The following OR4D1 variants were observed in gnomAD, a reference collection of about 807,000 sequenced individuals.
The protein encoded by OR4D1 is olfactory receptor family 4 subfamily D member 1.
A neutral mutation model predicts 14.2 loss-of-function variants in OR4D1; 10 were observed. That is an observed-to-expected ratio of 0.71 (90% CI 0.44 to 1.20). The LOEUF (loss-of-function observed/expected upper bound fraction) is 1.20. OR4D1 is among the 50% of genes most tolerant of loss of function. The probability of loss-of-function intolerance (pLI) is 0.00; values close to 1 mark genes in which losing one functional copy is unlikely to be tolerated. For synonymous variants in OR4D1, 141 were observed against 147.4 expected, an observed-to-expected ratio of 0.96 and a Z score of 0.32; for missense variants, 345 against 376.6, an observed-to-expected ratio of 0.92 and a Z score of 0.70.
chr17:58,155,917 T>C lies in OR4D1; in HGVS notation c.764T>C (p.Ile255Thr). 6.2e-7 allele frequency: 1 copy of C among 1,614,014 alleles called. No homozygotes were observed. Among genetic ancestry groups the C allele is most frequent in the Non-Finnish European group, 8.5e-7 (1 of 1,180,006 alleles). Residue 255 changes from isoleucine to threonine, a missense_variant, in exon 4 of 4, where the codon ATC becomes ACC. Coordinates refer to ENST00000268912, the MANE Select transcript of OR4D1 (RefSeq NM_001386095.1). ...GTGTCCATGATCTTCATTCCCTGTA[T>C]CTATATCTATACCTGGCCCTTCACC... is the stretch of plus-strand genomic sequence containing the variant. ...IVVSMIFIPCIYIYTWPFTPF... is the reference protein window; with the variant it reads ...IVVSMIFIPCTYIYTWPFTPF...
Position 58,157,039 on chromosome 17 carries a change from A to G in OR4D1, c.*953A>G, listed in dbSNP as rs1308175221. The G allele has an allele frequency of 2.2e-5, 25 of 1,139,492 alleles. No homozygotes were observed. The highest frequency in any genetic ancestry group is 2.8e-5 in the Non-Finnish European group (22 of 794,342). 70.6% of individuals were successfully genotyped at this position (1,139,492 alleles called of 1,614,324 possible). On this transcript the variant is annotated 3_prime_UTR_variant, in exon 4 of 4. Coordinates refer to ENST00000268912, the MANE Select transcript of OR4D1 (RefSeq NM_001386095.1). Reference sequence around the variant, plus strand: ...AAGGCATGGCTTCTGTTTTCGTCCAATGAGAAGGGGCCAGCGGTGGCGGTC... The same window carrying G: ...AAGGCATGGCTTCTGTTTTCGTCCAGTGAGAAGGGGCCAGCGGTGGCGGTC...
In OR4D1 at chr17:58,155,283, C is replaced by A. The variant is rs1567779436; in HGVS notation, c.130C>A (p.Leu44Ile). ...TGTTACCACCATTGTGGGAAACCTCCTTATCATGGTCACAGTGACTTTTGA... is the reference window on the plus strand; with the variant it reads ...TGTTACCACCATTGTGGGAAACCTCATTATCATGGTCACAGTGACTTTTGA... ...VYVTTIVGNLLIMVTVTFDCR... is the reference protein window; with the variant it reads ...VYVTTIVGNLIIMVTVTFDCR... The change falls in exon 4 of 4, where the codon CTT (leucine) becomes ATT (isoleucine). Residue 44 changes from leucine to isoleucine, a missense_variant. Physicochemically the swap from Leu to Ile is conservative, Grantham distance 5. Transcript: ENST00000268912. 1.2e-6 allele frequency: 2 copies of A among 1,614,024 alleles called. No homozygotes were observed. Among genetic ancestry groups the A allele is most frequent in the East Asian group, 2.2e-5 (1 of 44,902 alleles).
intron 3 of OR4D1, 27 bp from the exon 4 acceptor site, chr17:58,155,108 T>C: frequency 5.0e-6 from 7 of 1,404,332 alleles, no homozygotes; most frequent in Non-Finnish European, 6.9e-6. Context: ...TTTTGTTTGT[T>C]TGTTTGTTTC....
In OR4D1 at chr17:58,149,417, C is replaced by G. The variant is rs1597950804; in HGVS notation, c.-494-12C>G. 6.6e-6 allele frequency: 1 copy of G among 152,424 alleles called. No individual in the cohort carries two copies. The highest frequency in any genetic ancestry group is 1.9e-4 in the East Asian group (1 of 5,188). The allele number at this position is 152,424 out of a possible 1,614,324, so 9.4% of individuals were successfully genotyped here. A position where few individuals can be genotyped will look rare whatever the true frequency, so the allele number is the denominator to read the frequency against. On this transcript the variant is annotated splice_polypyrimidine_tract_variant and intron_variant, in intron 1 of 3. Coordinates refer to ENST00000268912, the MANE Select transcript of OR4D1 (RefSeq NM_001386095.1). Reference sequence around the variant, plus strand: ...GCATTCTATCCAGTGGCTACTCTCTCTTTCTTCCCAGCTCTCACGGCAGTC... The same window carrying G: ...GCATTCTATCCAGTGGCTACTCTCTGTTTCTTCCCAGCTCTCACGGCAGTC...
In OR4D1 at chr17:58,157,456, C is replaced by T. The variant is rs1339622592; in HGVS notation, c.*1370C>T. On this transcript the variant is annotated 3_prime_UTR_variant, in exon 4 of 4. Transcript: ENST00000268912. ...AGCCGCGCACAGCCTTTACCACGTC[C>T]CAGCTCCTCGCTCTGGAGGGCAAGT... The T allele has an allele frequency of 9.0e-7, 1 of 1,110,264 alleles. No individual in the cohort carries two copies. The highest frequency in any genetic ancestry group is 1.5e-5 in the African/African-American group (1 of 65,296). The allele number at this position is 1,110,264 out of a possible 1,614,324, so 68.8% of individuals were successfully genotyped here. A position where few individuals can be genotyped will look rare whatever the true frequency, so the allele number is the denominator to read the frequency against.
rs1408390264 is a variant in OR4D1, at chr17:58,159,179, T to G, written c.*3093T>G. On this transcript the variant is annotated 3_prime_UTR_variant, in exon 4 of 4. Coordinates refer to ENST00000268912, the MANE Select transcript of OR4D1 (RefSeq NM_001386095.1). ...CCCAAAAGGCATTTGCCCTTTGTTT[T>G]TGTTCCATCTTTACTAAATACTCTT... The G allele has an allele frequency of 6.6e-6, 1 of 152,244 alleles. No individual in the cohort carries two copies. The highest frequency in any genetic ancestry group is 2.4e-5 in the African/African-American group (1 of 41,464). 9.4% of individuals were successfully genotyped at this position (152,244 alleles called of 1,614,324 possible). A position where few individuals can be genotyped will look rare whatever the true frequency, so the allele number is the denominator to read the frequency against.
At position 58,157,082 on chromosome 17, in the gene OR4D1, T is replaced by C; in HGVS notation, c.*996T>C. The C allele has an allele frequency of 2.8e-6, 4 of 1,454,190 alleles. No individual in the cohort carries two copies. The highest frequency in any genetic ancestry group is 3.7e-6 in the Non-Finnish European group (4 of 1,090,882). 90.1% of individuals were successfully genotyped at this position (1,454,190 alleles called of 1,614,324 possible). A position where few individuals can be genotyped will look rare whatever the true frequency, so the allele number is the denominator to read the frequency against. On this transcript the variant is annotated 3_prime_UTR_variant, in exon 4 of 4. Transcript: ENST00000268912. ...TGGCGGTCGGGCCAGGTCCGGGGCCTGGGGACGCCGAGGCGGCCGCGGAGG... is the reference window on the plus strand; with the variant it reads ...TGGCGGTCGGGCCAGGTCCGGGGCCCGGGGACGCCGAGGCGGCCGCGGAGG...
chr17:58,157,310 C>A lies in OR4D1; in HGVS notation c.*1224C>A. On this transcript the variant is annotated 3_prime_UTR_variant, in exon 4 of 4. Coordinates refer to ENST00000268912, the MANE Select transcript of OR4D1 (RefSeq NM_001386095.1). ...TCAAGCCCTTCGAGACCGCCTCGGT[C>A]AAGTGGGAAAACTCCCTAAGACGGA... The A allele has an allele frequency of 1.3e-6, 2 of 1,504,738 alleles. No individual in the cohort carries two copies. Among genetic ancestry groups the A allele is most frequent in the South Asian group, 1.3e-5 (1 of 77,560 alleles). The allele number at this position is 1,504,738 out of a possible 1,614,324, so 93.2% of individuals were successfully genotyped here.
chr17:58,155,256 T>G lies in OR4D1; in HGVS notation c.103T>G (p.Tyr35Asp), dbSNP rs748254475. Residue 35 changes from tyrosine (Y) to aspartate (D), a missense_variant, in exon 4 of 4, where the codon TAT (tyrosine) becomes GAT (aspartate). Physicochemically the swap from Tyr to Asp is radical, Grantham distance 160 (BLOSUM62 -3). Transcript: ENST00000268912. ...CCTGTTCCTTCTGTTCCTGTTAGTC[T>G]ATGTTACCACCATTGTGGGAAACCT... ...KFLFLLFLLV[Y>D]VTTIVGNLLI... 1 of 1,614,092 alleles carries G rather than the reference T, an allele frequency of 6.2e-7. No individual in the cohort carries two copies. Among genetic ancestry groups the G allele is most frequent in the African/African-American group, 1.3e-5 (1 of 74,934 alleles).
At position 58,156,971 on chromosome 17, in the gene OR4D1, G is replaced by T. The variant is rs2143663843; in HGVS notation, c.*885G>T. On this transcript the variant is annotated 3_prime_UTR_variant, in exon 4 of 4. Transcript: ENST00000268912. ...AAAAAAAGTTTGAGTCGCCGCTGCG[G>T]GTTGCTAGCGGAGTCGCGCGTCGGG... The T allele has an allele frequency of 2.8e-6, 2 of 710,274 alleles. No individual in the cohort carries two copies. Among genetic ancestry groups the T allele is most frequent in the South Asian group, 3.1e-5 (2 of 65,518 alleles). The allele number at this position is 710,274 out of a possible 1,614,324, so 44.0% of individuals were successfully genotyped here.
At position 58,158,277 on chromosome 17, in the gene OR4D1, A is replaced by T. The variant is rs535204093; in HGVS notation, c.*2191A>T. ...GTCAATGATTTTGATGGGATGATTG[A>T]CTTCTGCTTATGGAAAACAAATATT... On this transcript the variant is annotated 3_prime_UTR_variant, in exon 4 of 4. Coordinates refer to ENST00000268912, the MANE Select transcript of OR4D1 (RefSeq NM_001386095.1). 2.0e-4 allele frequency: 30 copies of T among 152,284 alleles called. No homozygotes were observed. The highest frequency in any genetic ancestry group is 7.2e-4 in the African/African-American group (30 of 41,546). The allele number at this position is 152,284 out of a possible 1,614,324, so 9.4% of individuals were successfully genotyped here.
Position 58,157,906 on chromosome 17 carries a change from C to A in OR4D1, c.*1820C>A. 8.9e-7 allele frequency: 1 copy of A among 1,127,854 alleles called. No homozygotes were observed. The highest frequency in any genetic ancestry group is 1.3e-6 in the Non-Finnish European group (1 of 756,302). 69.9% of individuals were successfully genotyped at this position (1,127,854 alleles called of 1,614,324 possible). A position where few individuals can be genotyped will look rare whatever the true frequency, so the allele number is the denominator to read the frequency against. ...CAGCCAATACTCCTGTTCTGCAAAC[C>A]CTGAGTGCACCACCCTAAGCGGCTA... is the stretch of plus-strand genomic sequence containing the variant. On this transcript the variant is annotated 3_prime_UTR_variant, in exon 4 of 4. Coordinates refer to ENST00000268912, the MANE Select transcript of OR4D1 (RefSeq NM_001386095.1).
chr17:58,152,231 C>A (rs1390696055), intron 2 of OR4D1, among the ~76,000 whole-genome samples: 1 of 152,204 alleles, frequency 6.6e-6, no homozygotes. Context: ...TCTCGAACTC[C>A]TGACCTCAGG....
chr17:58,156,790 T>C lies in OR4D1; in HGVS notation c.*704T>C. On this transcript the variant is annotated 3_prime_UTR_variant, in exon 4 of 4. Coordinates refer to ENST00000268912, the MANE Select transcript of OR4D1 (RefSeq NM_001386095.1). ...TTTCCTGCGACCACAAGAGAAAACC[T>C]AGAGAGGTCTTCGTCTATAGAGAAG... 2 of 211,444 alleles carry C rather than the reference T, an allele frequency of 9.5e-6. No homozygotes were observed. The highest frequency in any genetic ancestry group is 1.9e-5 in the Non-Finnish European group (2 of 105,586). The allele number at this position is 211,444 out of a possible 1,614,324, so 13.1% of individuals were successfully genotyped here. A position where few individuals can be genotyped will look rare whatever the true frequency, so the allele number is the denominator to read the frequency against.
Position 58,159,407 on chromosome 17 carries a change from C to G in OR4D1, c.*3321C>G, listed in dbSNP as rs1461400878. 4 of 152,252 alleles carry G rather than the reference C, an allele frequency of 2.6e-5. No homozygotes were observed. The highest frequency in any genetic ancestry group is 2.6e-4 in the Admixed American group (4 of 15,292). The allele number at this position is 152,252 out of a possible 1,614,324, so 9.4% of individuals were successfully genotyped here. On this transcript the variant is annotated 3_prime_UTR_variant, in exon 4 of 4. Coordinates refer to ENST00000268912, the MANE Select transcript of OR4D1 (RefSeq NM_001386095.1). ...CTTCATGCAGCATTAGGCTCGCTAG[C>G]CCTTTGGTCTTCTGCCATATGAGGA...
chr17:58,157,258 G>T lies in OR4D1; in HGVS notation c.*1172G>T. On this transcript the variant is annotated 3_prime_UTR_variant, in exon 4 of 4. Transcript: ENST00000268912. ...CTGCTGCTGCCGGGGCACGGCGCTC[G>T]GGAAGCGCACAGCCCCGGGCCGCTG... is the stretch of plus-strand genomic sequence containing the variant. The T allele has an allele frequency of 6.8e-7, 1 of 1,470,356 alleles. No homozygotes were observed. The highest frequency in any genetic ancestry group is 1.4e-5 in the African/African-American group (1 of 70,322). The allele number at this position is 1,470,356 out of a possible 1,614,324, so 91.1% of individuals were successfully genotyped here.
At chr17:58,150,694 G>A (rs1391563838) in intron 2 of OR4D1, among the ~76,000 whole-genome samples, 1 of 152,130 alleles carries the variant, frequency 6.6e-6, no homozygotes, top group African/African-American at 2.4e-5. Context: ...GAGGAGGGGA[G>A]GAATCCAGCG....
Position 58,157,438 on chromosome 17 carries a change from C to T in OR4D1, c.*1352C>T. 2 of 1,119,030 alleles carry T rather than the reference C, an allele frequency of 1.8e-6. No homozygotes were observed. The highest frequency in any genetic ancestry group is 2.7e-6 in the Non-Finnish European group (2 of 741,648). The allele number at this position is 1,119,030 out of a possible 1,614,324, so 69.3% of individuals were successfully genotyped here. On this transcript the variant is annotated 3_prime_UTR_variant, in exon 4 of 4. Transcript: ENST00000268912. ...AACACAAGACCAATCCGAAGCCGCG[C>T]ACAGCCTTTACCACGTCCCAGCTCC...
At position 58,157,404 on chromosome 17, in the gene OR4D1, C is replaced by G; in HGVS notation, c.*1318C>G. 8.3e-7 allele frequency: 1 copy of G among 1,198,436 alleles called. No homozygotes were observed. Among genetic ancestry groups the G allele is most frequent in the South Asian group, 1.3e-5 (1 of 76,174 alleles). The allele number at this position is 1,198,436 out of a possible 1,614,324, so 74.2% of individuals were successfully genotyped here. A position where few individuals can be genotyped will look rare whatever the true frequency, so the allele number is the denominator to read the frequency against. ...AGACACGTGAGCCCTACCACCTGCACCCTGAGAAAACACAAGACCAATCCG... is the reference window on the plus strand; with the variant it reads ...AGACACGTGAGCCCTACCACCTGCAGCCTGAGAAAACACAAGACCAATCCG... On this transcript the variant is annotated 3_prime_UTR_variant, in exon 4 of 4. Transcript: ENST00000268912.
Sources: gnomAD v4.1 joint callset for allele counts (sites outside exome capture counted in the v4.1 genomes callset) on GRCh38, gnomAD v4.1.1 for gene constraint, MANE v1.5 for transcripts, NCBI Gene and HGNC (gene_info 2026-07-23, HGNC 2026-07-21) for gene names.